CTDSPL: variants seen among roughly 807,000 people sequenced by gnomAD.
CTDSPL encodes the protein CTD small phosphatase-like protein.
A neutral mutation model predicts 30.5 loss-of-function variants in CTDSPL; 8 were observed. That is an observed-to-expected ratio of 0.26 (90% CI 0.15 to 0.47). CTDSPL has a LOEUF of 0.47. Ranked by LOEUF, CTDSPL falls within the 20% of genes least tolerant of loss-of-function variation. The pLI is 0.99. For synonymous variants in CTDSPL, 110 were observed against 137.9 expected, an observed-to-expected ratio of 0.80 and a Z score of 1.42; for missense variants, 248 against 366.1, an observed-to-expected ratio of 0.68 and a Z score of 2.63.
chr3:37,911,954 C>T (rs940303667), intron 1 of CTDSPL: 5 of 254,116 alleles, frequency 2.0e-5, no homozygotes, highest in Non-Finnish European at 3.2e-5. Context: ...CCCAGCTACT[C>T]GGGAGGCTGA....
At chr3:37,904,691 T>C (rs1300632945) in intron 1 of CTDSPL, among the ~76,000 whole-genome samples, 1 of 152,202 alleles carries the variant, frequency 6.6e-6, no homozygotes, top group African/African-American at 2.4e-5. Context: ...AGAGAAAACG[T>C]ATGAGTGGCC....
chr3:37,877,309 G>A (rs1324960784), intron 1 of CTDSPL, among the ~76,000 whole-genome samples: 1 of 152,100 alleles, frequency 6.6e-6, no homozygotes, highest in African/African-American at 2.4e-5. Context: ...TTCTGTCTCT[G>A]TGAATTTGTC....
chr3:37,863,384 T>C (rs562678221), intron 1 of CTDSPL, among the ~76,000 whole-genome samples: 1 of 152,366 alleles, frequency 6.6e-6, no homozygotes, highest in Non-Finnish European at 1.5e-5. Context: ...GTGTTCCCAC[T>C]TAGAGACTTG....
rs984981264 is a variant in CTDSPL at position 37,874,406 on chromosome 3, A to T, written c.79+12128A>T. Among the ~76,000 whole-genome samples, 4 of 152,182 alleles carry T rather than the reference A, an allele frequency of 2.6e-5. No homozygotes were observed. The South Asian group carries it at 8.3e-4, about 31-fold the overall frequency. On this transcript the variant is annotated intron_variant, in intron 1 of 7. Transcript: ENST00000273179. ...GCTAGGAGTTGGCCATGGTCAGGAAATGCTCTGGCCATAAATGAGTCTAGA... is the reference window on the plus strand; with the variant it reads ...GCTAGGAGTTGGCCATGGTCAGGAATTGCTCTGGCCATAAATGAGTCTAGA...
chr3:37,862,216 T>A lies in CTDSPL; in HGVS notation c.17T>A (p.Ile6Asn). 6.9e-7 allele frequency: 1 copy of A among 1,446,106 alleles called. No homozygotes were observed. The highest frequency in any genetic ancestry group is 9.1e-7 in the Non-Finnish European group (1 of 1,099,926). 89.6% of individuals were successfully genotyped at this position (1,446,106 alleles called of 1,614,324 possible). Reference protein sequence around the residue: MDGPAIITQVTNPKED... With the variant: MDGPANITQVTNPKED... Reference sequence around the variant, plus strand: ...CGCGCACCCATGGACGGCCCGGCCATCATCACCCAGGTGACCAACCCCAAG... The same window carrying A: ...CGCGCACCCATGGACGGCCCGGCCAACATCACCCAGGTGACCAACCCCAAG... The change falls in exon 1 of 8, where the codon ATC becomes AAC. Residue 6 changes from isoleucine to asparagine, a missense_variant. Physicochemically the swap from Ile to Asn is moderately radical, Grantham distance 149. This residue lies in a region of CTDSPL where 118 missense variants were observed against 124.7 expected (regional missense o/e 0.95). Coordinates refer to ENST00000273179, the MANE Select transcript of CTDSPL (RefSeq NM_001008392.2). This position sits in a 1 kb window ranked among gnomAD's most constrained non-coding sequence, Gnocchi z 4.3.
rs1404838661 is a variant in CTDSPL at position 37,862,691 on chromosome 3, C to A, written c.79+413C>A. 1.3e-5 allele frequency among the ~76,000 whole-genome samples: 2 copies of A among 152,134 alleles called. No individual in the cohort carries two copies. Among genetic ancestry groups the A allele is most frequent in the African/African-American group, 4.8e-5 (2 of 41,412 alleles). ...GAGGTTGTGAGATTGTAAGGGTTTG[C>A]GCACCTAACGGAGATGTTGTGAGTG... is the stretch of plus-strand genomic sequence containing the variant. On this transcript the variant is annotated intron_variant, in intron 1 of 7. Coordinates refer to ENST00000273179, the MANE Select transcript of CTDSPL (RefSeq NM_001008392.2). This position sits in a 1 kb window ranked among gnomAD's most constrained non-coding sequence, Gnocchi z 4.3.
intron 1 of CTDSPL, among the ~76,000 whole-genome samples, chr3:37,891,787 A>G (rs1464931269): frequency 1.3e-5 from 2 of 152,174 alleles, no homozygotes; most frequent in Non-Finnish European, 2.9e-5. Context: ...AATTCTATCC[A>G]TAGAGAATAA....
chr3:37,963,977 C>T (rs2125630372), intron 3 of CTDSPL, among the ~76,000 whole-genome samples: 1 of 128,474 alleles, frequency 7.8e-6, no homozygotes, highest in East Asian at 2.5e-4. Flanking sequence ...CTCTGGACTG[C>T]ATTATGCTGG....
At position 37,925,728 on chromosome 3, in the gene CTDSPL, T is replaced by C. The variant is rs147396975; in HGVS notation, c.80-21329T>C. 2.6e-5 allele frequency among the ~76,000 whole-genome samples: 4 copies of C among 152,154 alleles called. No homozygotes were observed. The East Asian group carries it at 7.7e-4, about 29-fold the overall frequency. On this transcript the variant is annotated intron_variant, in intron 1 of 7. Transcript: ENST00000273179. The stretch of plus-strand genomic sequence containing the variant: ...CAGAAGGGATGCTTGTTGGGGTACA[T>C]GTGGAAGCCAGTGGAGGGTGTGTGA...
intron 1 of CTDSPL, among the ~76,000 whole-genome samples, chr3:37,888,198 T>C (rs1698284361): frequency 6.6e-6 from 1 of 152,232 alleles, no homozygotes. Flanking sequence ...ACTGTCAGGC[T>C]AACACCAATG....
intron 1 of CTDSPL, among the ~76,000 whole-genome samples, chr3:37,937,154 G>T (rs996176632): frequency 6.6e-6 from 1 of 150,454 alleles, no homozygotes; most frequent in African/African-American, 2.4e-5. Flanking sequence ...CAAGGAGTAG[G>T]ATGGGAGTCA....
At position 37,944,982 on chromosome 3, in the gene CTDSPL, ATTAGTTAG is replaced by A. The variant is rs61590335; in HGVS notation, c.80-2063_80-2056del. On this transcript the variant is annotated intron_variant, in intron 1 of 7. Coordinates refer to ENST00000273179, the MANE Select transcript of CTDSPL (RefSeq NM_001008392.2). ...TTTTAGTATGTAAGTTCATTTGTTA[ATTAGTTAG>A]TTAGTTAGTTATGGGGAAAGTTCGT... 1.1e-4 allele frequency among the ~76,000 whole-genome samples: 16 copies of A among 150,066 alleles called. 1 individual carries two copies. Among genetic ancestry groups the A allele is most frequent in the African/African-American group, 3.6e-4 (15 of 41,100 alleles).
chr3:37,878,846 A>G (rs958254761), intron 1 of CTDSPL, among the ~76,000 whole-genome samples: 4 of 152,228 alleles, frequency 2.6e-5, no homozygotes, highest in African/African-American at 9.6e-5. Context: ...ATACAAAAGC[A>G]TAAGATAAGA....
intron 2 of CTDSPL, among the ~76,000 whole-genome samples, chr3:37,955,564 C>T (rs1211161131): frequency 6.6e-6 from 1 of 152,148 alleles, no homozygotes; most frequent in East Asian, 1.9e-4. Flanking sequence ...AGCTGGAGGC[C>T]ATTAATCTAA....
intron 3 of CTDSPL, among the ~76,000 whole-genome samples, chr3:37,960,350 C>T (rs1359017802): frequency 6.6e-6 from 1 of 151,068 alleles, no homozygotes; most frequent in African/African-American, 2.4e-5. Context: ...TATGGTGGCA[C>T]ATGCCAGTAA....
At chr3:37,872,875 C>T (rs780994966) in intron 1 of CTDSPL, among the ~76,000 whole-genome samples, 1 of 152,046 alleles carries the variant, frequency 6.6e-6, no homozygotes, top group African/African-American at 2.4e-5. Context: ...GCCCAGCCCC[C>T]ACTTTGCCTC....
At position 37,975,671 on chromosome 3, in the gene CTDSPL, T is replaced by A. The variant is rs756739619; in HGVS notation, c.520-38T>A. 1 of 1,563,786 alleles carries A rather than the reference T, an allele frequency of 6.4e-7. No homozygotes were observed. The highest frequency in any genetic ancestry group is 2.3e-5 in the East Asian group (1 of 44,010). ...GTAGTTCAGGGTTTGGGGGGCTCTT[T>A]TAAACACCCAGCCTTCATTGTGACA... On this transcript the variant is annotated intron_variant, in intron 6 of 7. Transcript: ENST00000273179. The surrounding 1 kb of genome is among the most constrained non-coding windows in gnomAD (Gnocchi z 4.9).
In CTDSPL at chr3:37,936,164, G is replaced by T. The variant is rs1011850895; in HGVS notation, c.80-10893G>T. Among the ~76,000 whole-genome samples, 9 of 152,250 alleles carry T rather than the reference G, an allele frequency of 5.9e-5. No individual in the cohort carries two copies. In the East Asian group the frequency reaches 1.5e-3, roughly 26 times the overall value. On this transcript the variant is annotated intron_variant, in intron 1 of 7. Coordinates refer to ENST00000273179, the MANE Select transcript of CTDSPL (RefSeq NM_001008392.2). ...TCAGCCTTGCTCCTTCCCTTGGTTT[G>T]TCACTGCTGGAGGGACTACTGCCAG...
chr3:37,962,581 T>A (rs538339539), intron 3 of CTDSPL, among the ~76,000 whole-genome samples: 2 of 152,362 alleles, frequency 1.3e-5, no homozygotes, highest in South Asian at 4.1e-4. Context: ...AAGAAAGTAA[T>A]CTTTATTCTT....
Sources: gnomAD v4.1 joint callset for allele counts (sites outside exome capture counted in the v4.1 genomes callset) on GRCh38, gnomAD v4.1.1 for gene constraint, gnomAD v4.1.1 regional missense constraint, Gnocchi (gnomAD v3.1) non-coding constraint, MANE v1.5 for transcripts, NCBI Gene and HGNC (gene_info 2026-07-23, HGNC 2026-07-21) for gene names.